Variants in CPNE4 observed in about 807,000 individuals in gnomAD.
CPNE4 encodes copine-4.
Under a neutral mutation model 67.9 loss-of-function variants are expected in CPNE4, and 25 were observed. The observed-to-expected ratio is 0.37, with a 90% CI of 0.27 to 0.51. The LOEUF is 0.51. Among genes scored for constraint, CPNE4 ranks in the 20% least tolerant of loss-of-function variants. The pLI, the probability that CPNE4 is intolerant of heterozygous loss-of-function variation, is 0.93. For synonymous variants in CPNE4, 242 were observed against 244.9 expected (o/e 0.99, Z 0.11); for missense variants, 464 against 690.8 (o/e 0.67, Z 3.68).
Position 131,732,934 on chromosome 3 carries a change from C to T in CPNE4, c.181-9309G>A, listed in dbSNP as rs139902358. On this transcript the variant is annotated intron_variant, in intron 2 of 15. Coordinates refer to ENST00000429747, the MANE Select transcript of CPNE4 (RefSeq NM_130808.3). ...TGTGGTAACTTCCTGTTAGTGACAA[C>T]ACCATATTTCCCAATGTTACTCAAC... Among the ~76,000 whole-genome samples, 1,158 of 152,258 alleles carry T rather than the reference C, an allele frequency of 7.6e-3. 9 individuals are homozygous for T. Among genetic ancestry groups the T allele is most frequent in the Non-Finnish European group, 0.011 (750 of 68,018 alleles).
chr3:131,860,466 A>G (rs1472553821), intron 2 of CPNE4, among the ~76,000 whole-genome samples: 1 of 152,206 alleles, frequency 6.6e-6, no homozygotes, highest in African/African-American at 2.4e-5. Flanking sequence ...GACAATGTCT[A>G]GATATTCTTC....
intron 2 of CPNE4, among the ~76,000 whole-genome samples, chr3:131,769,031 C>T (rs1011939351): frequency 6.6e-6 from 1 of 152,166 alleles, no homozygotes; most frequent in Non-Finnish European, 1.5e-5. Flanking sequence ...TGTCTGCAAG[C>T]CTTGACCTCA....
At chr3:131,753,927 A>G (rs1045701883) in intron 2 of CPNE4, among the ~76,000 whole-genome samples, 2 of 152,128 alleles carry the variant, frequency 1.3e-5, no homozygotes, top group Admixed American at 1.3e-4. Context: ...TCTGTACTTC[A>G]GAATATACCC....
chr3:132,009,495 C>A (rs559037559), intron 1 of CPNE4, among the ~76,000 whole-genome samples: 66 of 152,300 alleles, frequency 4.3e-4, no homozygotes, highest in African/African-American at 1.5e-3. Context: ...GTTTTCATAG[C>A]TGGTTGGCTC....
intron 1 of CPNE4, among the ~76,000 whole-genome samples, chr3:131,967,128 G>T (rs2072373223): frequency 6.6e-6 from 1 of 152,160 alleles, no homozygotes; most frequent in Admixed American, 6.5e-5. Flanking sequence ...AAAACCACAT[G>T]ATTATCTCAA....
chr3:131,744,927 T>C (rs771690541), intron 2 of CPNE4, among the ~76,000 whole-genome samples: 2 of 152,214 alleles, frequency 1.3e-5, no homozygotes, highest in Admixed American at 6.5e-5. Context: ...TCACAAATCT[T>C]AATTTCTTTG....
intron 2 of CPNE4, among the ~76,000 whole-genome samples, chr3:131,856,903 C>T (rs2086467796): frequency 1.3e-5 from 2 of 151,966 alleles, no homozygotes. Flanking sequence ...CATTTGACAA[C>T]CATCAGGTTG....
At position 131,739,267 on chromosome 3, in the gene CPNE4, A is replaced by G. The variant is rs116056850; in HGVS notation, c.181-15642T>C. On this transcript the variant is annotated intron_variant, in intron 2 of 15. Transcript: ENST00000429747. Reference sequence around the variant, plus strand: ...CACACTGGGCCATTCCCCTGCCCTAATCACCAGGTACAGCTAGAGACAGTT... The same window carrying G: ...CACACTGGGCCATTCCCCTGCCCTAGTCACCAGGTACAGCTAGAGACAGTT... 7.3e-3 allele frequency among the ~76,000 whole-genome samples: 1,113 copies of G among 152,194 alleles called. 16 individuals are homozygous for G. The highest frequency in any genetic ancestry group is 0.026 in the African/African-American group (1,062 of 41,526).
At chr3:131,708,995 T>TATATATATATATACAC (rs1366246304) in intron 3 of CPNE4, among the ~76,000 whole-genome samples, 1 of 109,116 alleles carries the variant, frequency 9.2e-6, no homozygotes, top group Admixed American at 8.8e-5. Flanking sequence ...TATATATATA[T>TATATATATATATACAC]ACATACACAC....
At chr3:131,642,988 G>A (rs185374061) in intron 7 of CPNE4, among the ~76,000 whole-genome samples, 23 of 152,268 alleles carry the variant, frequency 1.5e-4, no homozygotes, top group African/African-American at 4.1e-4. Context: ...TGGGTAAAAC[G>A]GGCAGAGATT....
At position 131,558,104 on chromosome 3, in the gene CPNE4, T is replaced by C. The variant is rs1936564207; in HGVS notation, c.1062-2553A>G. 2.6e-5 allele frequency among the ~76,000 whole-genome samples: 4 copies of C among 152,024 alleles called. No homozygotes were observed. In the Middle Eastern group the frequency reaches 0.014, roughly 517 times the overall value. On this transcript the variant is annotated intron_variant, in intron 11 of 15. Transcript: ENST00000429747. ...CTGAGCATGATGCACTGCTATGTAA[T>C]CGAGTTTCAAGAGTAGGAAGGTAGG...
intron 5 of CPNE4, among the ~76,000 whole-genome samples, chr3:131,691,467 G>C (rs1031578537): frequency 7.9e-5 from 12 of 152,120 alleles, no homozygotes; most frequent in African/African-American, 2.9e-4. Flanking sequence ...AATACCACAT[G>C]TTCTCACTTC....
intron 2 of CPNE4, among the ~76,000 whole-genome samples, chr3:131,865,251 C>G (rs1320513069): frequency 6.6e-6 from 1 of 152,058 alleles, no homozygotes; most frequent in African/African-American, 2.4e-5. Flanking sequence ...CCCTCTTTTT[C>G]TATTGATTGG....
Position 131,818,652 on chromosome 3 carries a change from AT to A in CPNE4, c.180+86611del, listed in dbSNP as rs573350098. On this transcript the variant is annotated intron_variant, in intron 2 of 15. Coordinates refer to ENST00000429747, the MANE Select transcript of CPNE4 (RefSeq NM_130808.3). ...TATTTTAGCAAGATCTCTATCTTGCATATTAAAGTTTGAGAAACAAGAAGCA... is the reference window on the plus strand; with the variant it reads ...TATTTTAGCAAGATCTCTATCTTGCAATTAAAGTTTGAGAAACAAGAAGCA... 2.6e-5 allele frequency among the ~76,000 whole-genome samples: 4 copies of A among 152,380 alleles called. No homozygotes were observed. In the East Asian group the frequency reaches 7.7e-4, roughly 29 times the overall value.
At chr3:131,936,915 G>A (rs2071239469) in intron 1 of CPNE4, among the ~76,000 whole-genome samples, 1 of 150,662 alleles carries the variant, frequency 6.6e-6, no homozygotes. Flanking sequence ...CACTAGAAGA[G>A]TACATAAGAC....
At chr3:131,536,334 T>C (rs1051794949) in intron 15 of CPNE4, among the ~76,000 whole-genome samples, 20 of 152,094 alleles carry the variant, frequency 1.3e-4, no homozygotes, top group African/African-American at 4.6e-4. Context: ...GACTCTGGAG[T>C]CATGTAGAGC....
At chr3:131,849,787 A>G (rs1028895661) in intron 2 of CPNE4, among the ~76,000 whole-genome samples, 17 of 152,134 alleles carry the variant, frequency 1.1e-4, no homozygotes, top group African/African-American at 4.1e-4. Context: ...AGCTGCCCCA[A>G]CCAAACAGAA....
intron 1 of CPNE4, among the ~76,000 whole-genome samples, chr3:132,010,192 T>C (rs973972310): frequency 6.6e-5 from 10 of 152,144 alleles, no homozygotes; most frequent in Admixed American, 1.3e-4. Context: ...GAATCTCAGT[T>C]TCCTCTTTGG....
intron 2 of CPNE4, among the ~76,000 whole-genome samples, chr3:131,872,390 G>A (rs533006720): frequency 6.6e-6 from 1 of 152,232 alleles, no homozygotes; most frequent in African/African-American, 2.4e-5. Context: ...AGGACTCAAT[G>A]TTTCAGTTCA....
Sources: allele counts gnomAD v4.1 joint callset (sites outside exome capture counted in the v4.1 genomes callset), GRCh38; gene constraint gnomAD v4.1.1; transcripts MANE v1.5; gene names NCBI Gene and HGNC (gene_info 2026-07-23, HGNC 2026-07-21).